The following CDV3 variants were observed in gnomAD, a reference collection of about 807,000 sequenced individuals.
CDV3 encodes protein CDV3 homolog.
In CDV3, 14 loss-of-function variants were observed where a neutral mutation model predicts 24.5. The ratio of observed to expected loss-of-function variants is 0.57; its 90% CI spans 0.38 to 0.89. The LOEUF (loss-of-function observed/expected upper bound fraction) is 0.89. CDV3 is among the 40% of genes least tolerant of loss of function. CDV3 has a pLI of 0.00. For synonymous variants in CDV3, 114 were observed against 114.1 expected (o/e 1.00, Z 0.00); for missense variants, 304 against 310.2 (o/e 0.98, Z 0.15).
Position 133,590,252 on chromosome 3 carries a change from AATAT to A in CDV3, c.*2209_*2212del, listed in dbSNP as rs1278671806. ...ACATTAACAAATTCAATAAAAAGTA[AATAT>A]ATGGATTTTGGACTGTAATGGTTAT... On this transcript the variant is annotated 3_prime_UTR_variant, in exon 5 of 5. Coordinates refer to ENST00000264993, the MANE Select transcript of CDV3 (RefSeq NM_017548.5). The A allele has an allele frequency of 2.6e-5, 4 of 152,188 alleles. No individual in the cohort carries two copies. Among genetic ancestry groups the A allele is most frequent in the African/African-American group, 4.8e-5 (2 of 41,436 alleles). 9.4% of individuals were successfully genotyped at this position (152,188 alleles called of 1,614,324 possible).
chr3:133,581,909 G>A (rs1933064751), intron 2 of CDV3, among the ~76,000 whole-genome samples: 1 of 152,160 alleles, frequency 6.6e-6, no homozygotes, highest in Non-Finnish European at 1.5e-5. Flanking sequence ...TAACGAAAAG[G>A]AAAACTGAGA....
intron 2 of CDV3, among the ~76,000 whole-genome samples, chr3:133,580,774 C>T (rs1294859352): frequency 6.6e-6 from 1 of 152,110 alleles, no homozygotes; most frequent in African/African-American, 2.4e-5. Flanking sequence ...CTCCTGGCCT[C>T]AAGTGATCCT....
intron 2 of CDV3, among the ~76,000 whole-genome samples, chr3:133,578,637 G>A (rs971845942): frequency 1.3e-5 from 2 of 152,188 alleles, no homozygotes; most frequent in African/African-American, 2.4e-5. Context: ...AAGATTCTTT[G>A]GATGAGGTGC....
Position 133,573,864 on chromosome 3 carries a change from C to T in CDV3, c.-181C>T. On this transcript the variant is annotated 5_prime_UTR_variant, in exon 1 of 5. Coordinates refer to ENST00000264993, the MANE Select transcript of CDV3 (RefSeq NM_017548.5). ...CGAGCCCCCGGGCGGACCGTACCACCGCTCGCCAGCACGCAGGGGGAGCCG... is the reference window on the plus strand; with the variant it reads ...CGAGCCCCCGGGCGGACCGTACCACTGCTCGCCAGCACGCAGGGGGAGCCG... 3.8e-6 allele frequency: 1 copy of T among 266,094 alleles called. No individual in the cohort carries two copies. Among genetic ancestry groups the T allele is most frequent in the Non-Finnish European group, 5.8e-6 (1 of 172,432 alleles). 16.5% of individuals were successfully genotyped at this position (266,094 alleles called of 1,614,324 possible). A position where few individuals can be genotyped will look rare whatever the true frequency, so the allele number is the denominator to read the frequency against.
In CDV3 at chr3:133,590,202, G is replaced by C. The variant is rs2107756011; in HGVS notation, c.*2156G>C. On this transcript the variant is annotated 3_prime_UTR_variant, in exon 5 of 5. Transcript: ENST00000264993. ...ACCATTTGTTTGAATTCTCAGGCAT[G>C]GTTTGGCAGTGCAAGAATTCTGTAA... 1 of 152,240 alleles carries C rather than the reference G, an allele frequency of 6.6e-6. No individual in the cohort carries two copies. The highest frequency in any genetic ancestry group is 3.4e-3 in the Middle Eastern group (1 of 294). The allele number at this position is 152,240 out of a possible 1,614,324, so 9.4% of individuals were successfully genotyped here.
intron 2 of CDV3, among the ~76,000 whole-genome samples, chr3:133,576,540 A>G (rs1468070737): frequency 1.6e-5 from 1 of 63,406 alleles, no homozygotes; most frequent in Non-Finnish European, 3.1e-5. Flanking sequence ...GTGTTTGGCC[A>G]TGTTGAACTT....
In CDV3 at chr3:133,574,219, G is replaced by C; in HGVS notation, c.175G>C (p.Gly59Arg). 4.0e-6 allele frequency: 4 copies of C among 1,003,974 alleles called. No individual in the cohort carries two copies. Among genetic ancestry groups the C allele is most frequent in the Non-Finnish European group, 4.7e-6 (4 of 844,872 alleles). The allele number at this position is 1,003,974 out of a possible 1,614,324, so 62.2% of individuals were successfully genotyped here. A position where few individuals can be genotyped will look rare whatever the true frequency, so the allele number is the denominator to read the frequency against. ...GGGAGAGTRPGDGGTASAGAA... is the reference protein window; with the variant it reads ...GGGAGAGTRPRDGGTASAGAA... ...CGGGGCGGGCGCGGGGACCCGGCCG[G>C]GTGACGGCGGGACCGCCAGCGCGGG... The change falls in exon 1 of 5, where the codon GGT (glycine) becomes CGT (arginine). Residue 59 changes from glycine (G) to arginine (R), a missense_variant. Coordinates refer to ENST00000264993, the MANE Select transcript of CDV3 (RefSeq NM_017548.5).
At chr3:133,575,604 A>G (rs1010791729) in intron 2 of CDV3, among the ~76,000 whole-genome samples, 7 of 152,256 alleles carry the variant, frequency 4.6e-5, no homozygotes, top group African/African-American at 1.7e-4. Context: ...ACTGAGTATT[A>G]CTGATACAGA....
chr3:133,580,863 C>T (rs894813441), intron 2 of CDV3, among the ~76,000 whole-genome samples: 5 of 152,202 alleles, frequency 3.3e-5, no homozygotes, highest in African/African-American at 9.7e-5. Flanking sequence ...ACTAAATTGT[C>T]TCCTTGTGCC....
chr3:133,587,203 T>G (rs1326523233), intron 4 of CDV3: 1 of 1,357,214 alleles, frequency 7.4e-7, no homozygotes, highest in Admixed American at 3.1e-5. Context: ...TGACTACATA[T>G]GGCACATCTA....
chr3:133,574,052 A>G lies in CDV3; in HGVS notation c.8A>G (p.Glu3Gly). Residue 3 changes from glutamate (E) to glycine (G), a missense_variant, in exon 1 of 5, where the codon GAG becomes GGG. By Grantham distance (98) the Glu-to-Gly change is moderately conservative. Transcript: ENST00000264993. ...GTCGAGGAGGCCGAGGCCATGGCTG[A>G]GACGGAGGAGCGGAGCCTGGACAAC... The part of the protein sequence containing the change: MA[E>G]TEERSLDNFF... 1 of 1,209,122 alleles carries G rather than the reference A, an allele frequency of 8.3e-7. No homozygotes were observed. The highest frequency in any genetic ancestry group is 1.1e-6 in the Non-Finnish European group (1 of 948,848). The allele number at this position is 1,209,122 out of a possible 1,614,324, so 74.9% of individuals were successfully genotyped here. A position where few individuals can be genotyped will look rare whatever the true frequency, so the allele number is the denominator to read the frequency against.
chr3:133,579,345 A>C (rs1260560567), intron 2 of CDV3, among the ~76,000 whole-genome samples: 1 of 152,184 alleles, frequency 6.6e-6, no homozygotes, highest in Non-Finnish European at 1.5e-5. Context: ...AGCTGATGGG[A>C]AGCTATATAT....
At chr3:133,587,661 C>T in intron 4 of CDV3, 7 of 1,208,516 alleles carry the variant, frequency 5.8e-6, no homozygotes, top group Admixed American at 4.0e-5. Flanking sequence ...GAAATAGGGT[C>T]ACAGTTAATA....
chr3:133,583,326 A>G (rs1047398105), intron 2 of CDV3, among the ~76,000 whole-genome samples: 5 of 152,218 alleles, frequency 3.3e-5, no homozygotes, highest in Admixed American at 2.0e-4. Flanking sequence ...ACAACTTTCA[A>G]AACTCTTCAT....
Position 133,574,201 on chromosome 3 carries a change from G to A in CDV3, c.157G>A (p.Gly53Ser), listed in dbSNP as rs2074710620. ...CGCGGGTGCGGCGGGCGGCGGGGCG[G>A]GCGCGGGGACCCGGCCGGGTGACGG... ...GAAGAAGGGA[G>S]AGTRPGDGGT... Residue 53 changes from glycine (G) to serine (S), a missense_variant, in exon 1 of 5, where the codon GGC becomes AGC. By Grantham distance (56) the Gly-to-Ser change is moderately conservative. This residue lies in a region of CDV3 where 219 missense variants were observed against 203.6 expected (regional missense o/e 1.08). Coordinates refer to ENST00000264993, the MANE Select transcript of CDV3 (RefSeq NM_017548.5). 2.0e-6 allele frequency: 2 copies of A among 1,016,610 alleles called. No individual in the cohort carries two copies. The highest frequency in any genetic ancestry group is 4.4e-5 in the South Asian group (1 of 22,582). The allele number at this position is 1,016,610 out of a possible 1,614,324, so 63.0% of individuals were successfully genotyped here.
intron 1 of CDV3, chr3:133,574,523 C>T (rs1439768614): frequency 4.1e-6 from 4 of 986,252 alleles, no homozygotes; most frequent in African/African-American, 1.7e-5. Context: ...AGCCAAGGCC[C>T]GGGCGGCGCC....
chr3:133,579,505 A>C (rs1339584037), intron 2 of CDV3, among the ~76,000 whole-genome samples: 2 of 152,172 alleles, frequency 1.3e-5, no homozygotes, highest in Admixed American at 1.3e-4. Context: ...AATCATTTCT[A>C]CCCTGCTAAC....
intron 2 of CDV3, among the ~76,000 whole-genome samples, chr3:133,582,555 G>T (rs1933149759): frequency 6.6e-6 from 1 of 152,240 alleles, no homozygotes; most frequent in African/African-American, 2.4e-5. Flanking sequence ...GCCAGCATGT[G>T]TCTTGTTTTA....
At chr3:133,585,226 A>G (rs1448913381) in intron 3 of CDV3, among the ~76,000 whole-genome samples, 1 of 151,874 alleles carries the variant, frequency 6.6e-6, no homozygotes, top group Non-Finnish European at 1.5e-5. Context: ...TATTGTAGAG[A>G]TGAGATCTTA....
Sources: gnomAD v4.1 joint callset for allele counts (sites outside exome capture counted in the v4.1 genomes callset) on GRCh38, gnomAD v4.1.1 for gene constraint, gnomAD v4.1.1 regional missense constraint, MANE v1.5 for transcripts, NCBI Gene and HGNC (gene_info 2026-07-23, HGNC 2026-07-21) for gene names.